ADRA1B: variants seen among roughly 807,000 people sequenced by gnomAD.
The protein encoded by ADRA1B is alpha-1B adrenergic receptor.
In ADRA1B, 17 loss-of-function variants were observed where a neutral mutation model predicts 17.9. The ratio of observed to expected loss-of-function variants is 0.95; its 90% CI spans 0.65 to 1.42. The LOEUF (loss-of-function observed/expected upper bound fraction) is 1.42. Ranked by LOEUF, ADRA1B falls within the 40% of genes most tolerant of loss-of-function variation. The pLI, the probability that ADRA1B is intolerant of heterozygous loss-of-function variation, is 0.00. For synonymous variants in ADRA1B, 366 were observed against 327.6 expected (o/e 1.12, Z -1.27); for missense variants, 681 against 722.1 (o/e 0.94, Z 0.65).
chr5:159,879,244 C>G (rs1753831301), intron 1 of ADRA1B, among the ~76,000 whole-genome samples: 1 of 152,084 alleles, frequency 6.6e-6, no homozygotes. Flanking sequence ...TGTCTGTTCA[C>G]CGGGGAAAGG....
intron 1 of ADRA1B, among the ~76,000 whole-genome samples, chr5:159,952,830 T>C (rs1755471298): frequency 6.6e-6 from 1 of 152,210 alleles, no homozygotes; most frequent in African/African-American, 2.4e-5. Context: ...AGAGTCCATT[T>C]CTAATTATTG....
rs1755883718 is a variant in ADRA1B, at chr5:159,972,128, C to A, written c.1199C>A (p.Ser400Ter). ...ACGCGCGGCGGCTCGCTGGAGCGCTCGCAGTCGCGCAAGGACTCGCTGGAC... is the reference window on the plus strand; with the variant it reads ...ACGCGCGGCGGCTCGCTGGAGCGCTAGCAGTCGCGCAAGGACTCGCTGGAC... ...PWTRGGSLER[S>*]QSRKDSLDDS... is the part of the protein sequence containing the mutation. Residue 400 changes from serine to a stop codon, truncating the protein, a stop_gained, in exon 2 of 2, where the codon TCG (serine) becomes TAG (stop). Transcript: ENST00000306675. LOFTEE classifies it low-confidence loss of function (END_TRUNC). 1 of 1,329,572 alleles carries A rather than the reference C, an allele frequency of 7.5e-7. No individual in the cohort carries two copies. The highest frequency in any genetic ancestry group is 9.7e-7 in the Non-Finnish European group (1 of 1,030,276). The allele number at this position is 1,329,572 out of a possible 1,614,324, so 82.4% of individuals were successfully genotyped here. A position where few individuals can be genotyped will look rare whatever the true frequency, so the allele number is the denominator to read the frequency against.
intron 1 of ADRA1B, among the ~76,000 whole-genome samples, chr5:159,890,843 G>A (rs1243645851): frequency 6.6e-6 from 1 of 152,178 alleles, no homozygotes; most frequent in East Asian, 1.9e-4. Flanking sequence ...CACCCTAAAG[G>A]TGATGTGTCA....
At chr5:159,955,908 C>T (rs1430691254) in intron 1 of ADRA1B, among the ~76,000 whole-genome samples, 1 of 151,906 alleles carries the variant, frequency 6.6e-6, no homozygotes, top group Non-Finnish European at 1.5e-5. Context: ...GTCTCTCCCT[C>T]AATCTTTCTC....
intron 1 of ADRA1B, among the ~76,000 whole-genome samples, chr5:159,909,650 C>G (rs1387838655): frequency 6.6e-6 from 1 of 152,234 alleles, no homozygotes; most frequent in Non-Finnish European, 1.5e-5. Context: ...TTATCTTAGA[C>G]TGTAAACTAC....
chr5:159,868,731 C>G (rs1225882195), intron 1 of ADRA1B: 1 of 152,198 alleles, frequency 6.6e-6, no homozygotes, highest in Non-Finnish European at 1.5e-5. Flanking sequence ...GATGTCTCAG[C>G]TGTTGTTGTA....
chr5:159,872,238 A>C (rs1430012210), intron 1 of ADRA1B, among the ~76,000 whole-genome samples: 2 of 152,316 alleles, frequency 1.3e-5, no homozygotes, highest in Middle Eastern at 3.4e-3. Context: ...GAGTGTGTCT[A>C]TGTTAATGAG....
At chr5:159,987,694 C>A in the ADRA1B span, among the ~76,000 whole-genome samples, 1 of 152,214 alleles carries the variant, frequency 6.6e-6, no homozygotes, top group Non-Finnish European at 1.5e-5. Flanking sequence ...AATGCTTTAA[C>A]CTGGGGTCCG....
rs192802135 is a variant in ADRA1B, at chr5:159,902,427, T to C, written c.-255-13692T>C. Among the ~76,000 whole-genome samples the C allele has an allele frequency of 2.9e-3, 445 of 152,106 alleles. 3 individuals carry two copies. Among genetic ancestry groups the C allele is most frequent in the Non-Finnish European group, 5.2e-3 (354 of 68,010 alleles). ...ACAAAGAAGTCCATAGAGTTAACAA[T>C]GCTGTAATGTGTACTTAAAAACTGT... On this transcript the variant is annotated intron_variant, in intron 1 of 2. Coordinates refer to the ADRA1B transcript ENST00000641205.
At position 159,917,105 on chromosome 5, in the gene ADRA1B, T is replaced by A. The variant is rs752710329; in HGVS notation, c.200T>A (p.Ile67Asn). 1 of 1,614,052 alleles carries A rather than the reference T, an allele frequency of 6.2e-7. No individual in the cohort carries two copies. Among genetic ancestry groups the A allele is most frequent in the Non-Finnish European group, 8.5e-7 (1 of 1,180,004 alleles). ...LFAIVGNILV[I>N]LSVACNRHLR... ...GCCATCGTGGGCAACATCCTAGTCA[T>A]CTTGTCTGTGGCCTGCAACCGGCAC... The change falls in exon 1 of 2, where the codon ATC becomes AAC. Residue 67 changes from isoleucine (I) to asparagine (N), a missense_variant. Physicochemically the swap from Ile to Asn is moderately radical, Grantham distance 149. Coordinates refer to ENST00000306675, the MANE Select transcript of ADRA1B (RefSeq NM_000679.4).
At chr5:159,914,082 G>A (rs1402491308), upstream of ADRA1B, among the ~76,000 whole-genome samples, 1 of 152,192 alleles carries the variant, frequency 6.6e-6, no homozygotes, top group Non-Finnish European at 1.5e-5. Context: ...GAAGATGCAT[G>A]AGAGAAAGGA....
At chr5:159,937,425 C>T (rs1484305827) in intron 1 of ADRA1B, among the ~76,000 whole-genome samples, 1 of 151,238 alleles carries the variant, frequency 6.6e-6, no homozygotes, top group East Asian at 2.0e-4. Flanking sequence ...ATGCCAGATC[C>T]TAGCCTCTCT....
intron 1 of ADRA1B, among the ~76,000 whole-genome samples, chr5:159,902,328 G>A (rs1581025054): frequency 6.6e-6 from 1 of 152,112 alleles, no homozygotes; most frequent in African/African-American, 2.4e-5. Context: ...TGGGGGAGGC[G>A]GAATGGGGAG....
At chr5:159,901,282 C>T (rs528796708) in intron 1 of ADRA1B, among the ~76,000 whole-genome samples, 11 of 151,324 alleles carry the variant, frequency 7.3e-5, no homozygotes, top group Admixed American at 2.0e-4. Flanking sequence ...GGAGAAGTGA[C>T]GGGTCTTGTC....
upstream of ADRA1B, among the ~76,000 whole-genome samples, chr5:159,915,531 C>T (rs1754280732): frequency 6.6e-6 from 1 of 152,092 alleles, no homozygotes; most frequent in African/African-American, 2.4e-5. Flanking sequence ...ACTGAATGTC[C>T]AACATGGATA....
At chr5:159,910,651 C>T (rs1008894185) in intron 1 of ADRA1B, among the ~76,000 whole-genome samples, 27 of 152,202 alleles carry the variant, frequency 1.8e-4, no homozygotes, top group African/African-American at 3.4e-4. Context: ...ATAGACAACA[C>T]GCAAACAAAT....
chr5:159,947,641 T>A (rs1475114192), intron 1 of ADRA1B: 1 of 885,062 alleles, frequency 1.1e-6, no homozygotes, highest in Non-Finnish European at 1.4e-6. Context: ...ACGCTAAAGC[T>A]ATTCATAAAT....
At chr5:159,892,760 A>G (rs12188440) in intron 1 of ADRA1B, among the ~76,000 whole-genome samples, 39,667 of 152,114 alleles carry the variant, frequency 0.26, 5,503 homozygotes, top group Non-Finnish European at 0.32. Context: ...TTGGTTCCAC[A>G]TCTTTGCTAC....
chr5:159,957,092 G>T (rs1008846925), intron 1 of ADRA1B, among the ~76,000 whole-genome samples: 2 of 152,070 alleles, frequency 1.3e-5, no homozygotes, highest in Admixed American at 6.5e-5. Flanking sequence ...GGCTGGACTC[G>T]AACTCCTGAC....
Sources: gnomAD v4.1 joint callset for allele counts (sites outside exome capture counted in the v4.1 genomes callset) on GRCh38, gnomAD v4.1.1 for gene constraint, MANE v1.5 for transcripts, NCBI Gene and HGNC (gene_info 2026-07-23, HGNC 2026-07-21) for gene names.